The following ARRDC5 variants were observed in gnomAD, a reference collection of about 807,000 sequenced individuals.
The protein encoded by ARRDC5 is arrestin domain-containing protein 5.
ARRDC5 carries 12 observed loss-of-function variants against 13.3 expected under a neutral mutation model. The ratio of observed to expected loss-of-function variants is 0.90; its 90% CI spans 0.58 to 1.46. The LOEUF (loss-of-function observed/expected upper bound fraction) is 1.46, where lower values mean the gene tolerates loss of function less well. Ranked by LOEUF, ARRDC5 falls within the 40% of genes most tolerant of loss-of-function variation. ARRDC5 has a pLI of 0.00. For synonymous variants in ARRDC5, 181 were observed against 173.4 expected, an observed-to-expected ratio of 1.04 and a Z score of -0.34; for missense variants, 406 against 418.7, an observed-to-expected ratio of 0.97 and a Z score of 0.26.
chr19:4,897,428 G>A (rs573190085), intron 1 of ARRDC5, among the ~76,000 whole-genome samples: 114 of 152,268 alleles, frequency 7.5e-4, no homozygotes, highest in Middle Eastern at 6.8e-3. Flanking sequence ...GCCTGGAGTT[G>A]TCACCCGAAA....
chr19:4,898,959 C>T (rs1026625821), intron 1 of ARRDC5, among the ~76,000 whole-genome samples: 1 of 151,892 alleles, frequency 6.6e-6, no homozygotes, highest in East Asian at 1.9e-4. Context: ...GCTGCATCCC[C>T]AGCACCTAGC....
Position 4,896,862 on chromosome 19 carries a change from C to G in ARRDC5, c.268G>C (p.Ala90Pro). 1 of 1,613,216 alleles carries G rather than the reference C, an allele frequency of 6.2e-7. No homozygotes were observed. The highest frequency in any genetic ancestry group is 8.5e-7 in the Non-Finnish European group (1 of 1,179,548). The change falls in exon 2 of 3, where the codon GCA becomes CCA. Residue 90 changes from alanine (A) to proline (P), a missense_variant. Transcript: ENST00000650722. Reference protein sequence around the residue: ...TFPVEDNWLSAGSHTFDFHFN... With the variant: ...TFPVEDNWLSPGSHTFDFHFN... ...TGGAAGTCAAAGGTGTGGCTGCCTG[C>G]ACTTAACCAATTATCTGAAAGCAAA... is the stretch of plus-strand genomic sequence containing the variant.
the ARRDC5 span, among the ~76,000 whole-genome samples, chr19:4,916,529 G>T: frequency 3.3e-5 from 5 of 152,076 alleles, no homozygotes; most frequent in Admixed American, 2.6e-4. Context: ...CCGAAGTGCC[G>T]CTCTAGGGTC....
Position 4,890,798 on chromosome 19 carries a change from A to G in ARRDC5, c.*248T>C. 2.2e-6 allele frequency: 1 copy of G among 462,724 alleles called. No homozygotes were observed. Among genetic ancestry groups the G allele is most frequent in the East Asian group, 4.0e-5 (1 of 24,978 alleles). 28.7% of individuals were successfully genotyped at this position (462,724 alleles called of 1,614,324 possible). A position where few individuals can be genotyped will look rare whatever the true frequency, so the allele number is the denominator to read the frequency against. On this transcript the variant is annotated 3_prime_UTR_variant, in exon 3 of 3. Transcript: ENST00000650722. ...GACCCCAGTAGGCTGGGGCAGACTC[A>G]GGGTGGAAAAGGCAGGTTATGCCGG...
chr19:4,896,926 CCTT>C (rs765271854), intron 1 of ARRDC5, 50 bp from the exon 2 acceptor site: 114 of 1,321,392 alleles, frequency 8.6e-5, no homozygotes, highest in African/African-American at 2.1e-4. Flanking sequence ...AATCTTTTTT[CCTT>C]CTTCTTCTTT....
At chr19:4,897,715 CTA>C (rs2031781732) in intron 1 of ARRDC5, among the ~76,000 whole-genome samples, 1 of 152,100 alleles carries the variant, frequency 6.6e-6, no homozygotes, top group South Asian at 2.1e-4. Flanking sequence ...CAGGGTCTTG[CTA>C]TGTTTCCCAG....
intron 1 of ARRDC5, among the ~76,000 whole-genome samples, chr19:4,898,273 C>T (rs939271727): frequency 2.0e-5 from 3 of 152,090 alleles, no homozygotes; most frequent in African/African-American, 7.2e-5. Flanking sequence ...TTTCATTTTC[C>T]TTCTTGCACT....
At chr19:4,910,776 G>T in the ARRDC5 span, 36 of 1,406,172 alleles carry the variant, frequency 2.6e-5, 1 homozygote, top group African/African-American at 4.1e-4. Flanking sequence ...GTTTCCTGGT[G>T]TCCACAGGCC....
At chr19:4,914,511 C>T in the ARRDC5 span, among the ~76,000 whole-genome samples, 6 of 151,964 alleles carry the variant, frequency 3.9e-5, no homozygotes, top group East Asian at 5.8e-4. Context: ...TGGAGGATCT[C>T]GTGGTGGTCT....
At chr19:4,891,970 T>G (rs934689965) in intron 2 of ARRDC5, among the ~76,000 whole-genome samples, 2 of 125,200 alleles carry the variant, frequency 1.6e-5, no homozygotes, top group Non-Finnish European at 1.7e-5. Context: ...AAAAAAAAAG[T>G]CTCTGGGGCT....
chr19:4,904,263 C>T (rs2032015201), upstream of ARRDC5, among the ~76,000 whole-genome samples: 1 of 152,092 alleles, frequency 6.6e-6, no homozygotes, highest in Admixed American at 6.6e-5. Flanking sequence ...ACTGCAAGCT[C>T]CGCCTCCCGT....
the ARRDC5 span, chr19:4,909,423 G>A: frequency 4.6e-6 from 3 of 651,986 alleles, no homozygotes; most frequent in South Asian, 3.2e-5. Context: ...GGCCAATCAG[G>A]AGGCAGGCGC....
Position 4,897,015 on chromosome 19 carries a change from G to A in ARRDC5, c.254-139C>T. The stretch of plus-strand genomic sequence containing the variant: ...TCTGTCACCCAGTCTGGAGTATAGT[G>A]GTGTGATCTCAGCTCACAGCAACCT... On this transcript the variant is annotated intron_variant, in intron 1 of 2. Coordinates refer to ENST00000650722, the MANE Select transcript of ARRDC5 (RefSeq NM_001080523.3). 1.5e-5 allele frequency: 9 copies of A among 616,638 alleles called. No homozygotes were observed. The South Asian group carries it at 1.7e-4, about 11-fold the overall frequency. The allele number at this position is 616,638 out of a possible 1,614,324, so 38.2% of individuals were successfully genotyped here. A position where few individuals can be genotyped will look rare whatever the true frequency, so the allele number is the denominator to read the frequency against.
chr19:4,907,812 A>G (rs549371485), upstream of ARRDC5, among the ~76,000 whole-genome samples: 8 of 141,252 alleles, frequency 5.7e-5, no homozygotes, highest in South Asian at 1.8e-3. Context: ...TCCTGGGTTC[A>G]AGCGATTCTC....
chr19:4,911,124 C>T, the ARRDC5 span: 2 of 1,300,442 alleles, frequency 1.5e-6, no homozygotes, highest in Non-Finnish European at 2.1e-6. Flanking sequence ...CTCCCTCCCA[C>T]CTCCCCCCCC....
chr19:4,896,409 T>C (rs1161210445), intron 2 of ARRDC5, among the ~76,000 whole-genome samples: 17 of 132,802 alleles, frequency 1.3e-4, no homozygotes, highest in South Asian at 4.9e-4. Context: ...CACACACATA[T>C]ATATAATTTT....
chr19:4,893,726 CAAA>C (rs61307077), intron 2 of ARRDC5, among the ~76,000 whole-genome samples: 7 of 56,916 alleles, frequency 1.2e-4, no homozygotes, highest in Non-Finnish European at 1.8e-4. Flanking sequence ...ACCCTGTCTC[CAAA>C]AAAAAAAAAA....
Position 4,902,802 on chromosome 19 carries a change from T to C in ARRDC5, c.24A>G (p.Glu8=). 6.2e-7 allele frequency: 1 copy of C among 1,613,976 alleles called. No individual in the cohort carries two copies. Among genetic ancestry groups the C allele is most frequent in the Non-Finnish European group, 8.5e-7 (1 of 1,179,898 alleles). The change falls in exon 1 of 3, where the codon GAA becomes GAG. Residue 8 remains glutamate (E), a synonymous_variant. Coordinates refer to ENST00000650722, the MANE Select transcript of ARRDC5 (RefSeq NM_001080523.3). MSVVKSI[E]LVLPEDRIYL... ...AGATTCTATCCTCGGGCAGCACTAA[T>C]TCGATCGACTTCACCACAGACATGG...
At chr19:4,914,260 G>A in the ARRDC5 span, among the ~76,000 whole-genome samples, 2 of 152,088 alleles carry the variant, frequency 1.3e-5, no homozygotes, top group African/African-American at 4.8e-5. Context: ...GCGGGAAGGC[G>A]GGACAGAGGC....
Sources: allele counts gnomAD v4.1 joint callset (sites outside exome capture counted in the v4.1 genomes callset), GRCh38; gene constraint gnomAD v4.1.1; transcripts MANE v1.5; gene names NCBI Gene and HGNC (gene_info 2026-07-23, HGNC 2026-07-21).